Variants in CALN1 observed in about 807,000 individuals in gnomAD.
CALN1 encodes the protein calneuron 1, also known as calcium-binding protein 8.
Under a neutral mutation model 30.6 loss-of-function variants are expected in CALN1, and 17 were observed. The ratio of observed to expected loss-of-function variants is 0.56; its 90% CI spans 0.38 to 0.83. The LOEUF is 0.83. CALN1 is among the 40% of genes least tolerant of loss of function. CALN1 has a pLI of 0.00. For missense variants in CALN1, 291 were observed against 354.9 expected, an observed-to-expected ratio of 0.82 and a Z score of 1.45; for synonymous variants, 156 against 131.4, an observed-to-expected ratio of 1.19 and a Z score of -1.28.
intron 2 of CALN1, among the ~76,000 whole-genome samples, chr7:72,396,807 C>G (rs979138658): frequency 1.4e-4 from 21 of 152,140 alleles, no homozygotes; most frequent in African/African-American, 4.8e-4. Flanking sequence ...CCACTAGAAC[C>G]ATGACTCACA....
chr7:72,241,719 A>G (rs1359429447), intron 3 of CALN1, among the ~76,000 whole-genome samples: 3 of 152,148 alleles, frequency 2.0e-5, no homozygotes, highest in Non-Finnish European at 2.9e-5. Context: ...AACAAAAAAA[A>G]AAAGGTTCAA....
chr7:72,389,716 T>G (rs761715427), intron 2 of CALN1, among the ~76,000 whole-genome samples: 1 of 152,070 alleles, frequency 6.6e-6, no homozygotes, highest in Non-Finnish European at 1.5e-5. Context: ...GGTCAGCAGT[T>G]CGAGACTAAC....
At chr7:72,331,703 TTTATC>T (rs1403669285) in intron 2 of CALN1, among the ~76,000 whole-genome samples, 1 of 152,204 alleles carries the variant, frequency 6.6e-6, no homozygotes, top group Non-Finnish European at 1.5e-5. Flanking sequence ...TTTTCCAAGT[TTTATC>T]TTAAGTTCAG....
intron 6 of CALN1, among the ~76,000 whole-genome samples, chr7:71,808,967 C>T (rs2116174545): frequency 6.6e-6 from 1 of 152,270 alleles, no homozygotes; most frequent in East Asian, 1.9e-4. Context: ...ACCACCCCAT[C>T]CTGCCCTTAT....
chr7:71,798,101 CAGAGAGAGACAGAGACAGAGACAGAGAG>C (rs1562787834), intron 6 of CALN1, among the ~76,000 whole-genome samples: 1,126 of 76,562 alleles, frequency 0.015, 10 homozygotes, highest in African/African-American at 0.051. Flanking sequence ...GAGAGAGAGA[CAGAGAGAGACAGAGACAGAGACAGAGAG>C]AGAGAGAGAG....
At chr7:72,065,019 C>G (rs987866894) in intron 4 of CALN1, among the ~76,000 whole-genome samples, 2 of 148,706 alleles carry the variant, frequency 1.3e-5, no homozygotes, top group Non-Finnish European at 3.0e-5. Flanking sequence ...TATTAATATT[C>G]TGAAATAGTG....
At chr7:72,221,312 CTTTTTTTTTTTTTT>C (rs1174615183) in intron 3 of CALN1, among the ~76,000 whole-genome samples, 7 of 88,968 alleles carry the variant, frequency 7.9e-5, no homozygotes, top group Admixed American at 1.5e-4. Context: ...GTCTTGGCTT[CTTTTTTTTTTTTTT>C]TTTTTTTTTG....
intron 5 of CALN1, among the ~76,000 whole-genome samples, chr7:71,909,261 T>C (rs1794302531): frequency 6.6e-6 from 1 of 152,222 alleles, no homozygotes; most frequent in Non-Finnish European, 1.5e-5. Flanking sequence ...AGTGCTGGTA[T>C]TACAGGCGTG....
chr7:71,973,232 G>C (rs1797937029), intron 5 of CALN1, among the ~76,000 whole-genome samples: 1 of 151,898 alleles, frequency 6.6e-6, no homozygotes, highest in Non-Finnish European at 1.5e-5. Context: ...CTGGAGTGCA[G>C]TGGCACAATC....
chr7:72,023,837 A>T (rs1800876240), intron 4 of CALN1, 68 bp from the exon 5 acceptor site: 1 of 1,087,298 alleles, frequency 9.2e-7, no homozygotes, highest in Non-Finnish European at 1.4e-6. Flanking sequence ...CTGATGCAAT[A>T]AACACCTCTA....
chr7:71,955,960 A>T (rs7803466), intron 5 of CALN1, among the ~76,000 whole-genome samples: 1 of 151,048 alleles, frequency 6.6e-6, no homozygotes. Flanking sequence ...CCCAACCGAG[A>T]TAGTATAGAC....
chr7:71,958,398 CCT>C (rs1465748483), intron 5 of CALN1, among the ~76,000 whole-genome samples: 2 of 152,110 alleles, frequency 1.3e-5, no homozygotes, highest in Non-Finnish European at 2.9e-5. Context: ...CCTCCAGTTC[CCT>C]GTCTTCATTG....
At chr7:72,186,938 A>G (rs942946819) in intron 3 of CALN1, among the ~76,000 whole-genome samples, 1 of 63,044 alleles carries the variant, frequency 1.6e-5, no homozygotes, top group Non-Finnish European at 3.2e-5. Flanking sequence ...CCTTTGGGTT[A>G]TATCAGCATT....
chr7:72,137,671 T>A (rs990049616), intron 3 of CALN1, among the ~76,000 whole-genome samples: 1 of 152,204 alleles, frequency 6.6e-6, no homozygotes, highest in African/African-American at 2.4e-5. Flanking sequence ...TTTGGATAAC[T>A]GGGGAAATTT....
At chr7:72,059,253 G>T (rs949227444) in intron 4 of CALN1, among the ~76,000 whole-genome samples, 2 of 152,134 alleles carry the variant, frequency 1.3e-5, no homozygotes, top group Non-Finnish European at 2.9e-5. Flanking sequence ...AGGTCAGAGG[G>T]ATTACTTTTT....
chr7:72,181,431 TGTTA>T (rs1300099652), intron 3 of CALN1, among the ~76,000 whole-genome samples: 1 of 151,958 alleles, frequency 6.6e-6, no homozygotes, highest in African/African-American at 2.4e-5. Context: ...TTAGATAACC[TGTTA>T]GTCTTTGGAC....
chr7:71,863,174 G>A (rs1040950141), intron 5 of CALN1, among the ~76,000 whole-genome samples: 1 of 152,068 alleles, frequency 6.6e-6, no homozygotes, highest in African/African-American at 2.4e-5. Context: ...TGGGGAGATT[G>A]CTTGGGCCTG....
intron 2 of CALN1, among the ~76,000 whole-genome samples, chr7:72,385,188 T>C (rs999740317): frequency 1.3e-5 from 2 of 152,220 alleles, no homozygotes; most frequent in African/African-American, 2.4e-5. Context: ...AAGAACTTTC[T>C]TGATGATGGG....
rs73364923 is a variant in CALN1 at position 72,373,606 on chromosome 7, G to A, written c.119+29645C>T. 4.5e-3 allele frequency among the ~76,000 whole-genome samples: 681 copies of A among 152,272 alleles called. 4 individuals are homozygous for A. The highest frequency in any genetic ancestry group is 0.016 in the African/African-American group (646 of 41,560). ...AACTATAGGCTAATATAAGTTTTCT[G>A]AAGATATTTTAGGTAAACTAGGCTA... On this transcript the variant is annotated intron_variant, in intron 2 of 6. Transcript: ENST00000395275.
Sources: allele counts gnomAD v4.1 joint callset (sites outside exome capture counted in the v4.1 genomes callset), GRCh38; gene constraint gnomAD v4.1.1; transcripts MANE v1.5; gene names NCBI Gene and HGNC (gene_info 2026-07-23, HGNC 2026-07-21).